Variants in BRSK2 observed in about 807,000 individuals in gnomAD.
BRSK2 encodes the protein serine/threonine-protein kinase BRSK2.
A neutral mutation model predicts 83.3 loss-of-function variants in BRSK2; 19 were observed. The ratio of observed to expected loss-of-function variants is 0.23; its 90% CI spans 0.16 to 0.33. The LOEUF (loss-of-function observed/expected upper bound fraction) is 0.33, where lower values mean the gene tolerates loss of function less well. BRSK2 is among the 10% of genes least tolerant of loss of function. The probability of loss-of-function intolerance (pLI) is 1.00; values close to 1 mark genes in which losing one functional copy is unlikely to be tolerated. For missense variants in BRSK2, 798 were observed against 1,042.3 expected, an observed-to-expected ratio of 0.77 and a Z score of 3.23; for synonymous variants, 519 against 435.4, an observed-to-expected ratio of 1.19 and a Z score of -2.39.
intron 1 of BRSK2, among the ~76,000 whole-genome samples, chr11:1,403,062 G>C (rs1181419136): frequency 6.6e-6 from 1 of 152,160 alleles, no homozygotes. Context: ...CACGGGGTAG[G>C]TGCCTGGCTG....
intron 1 of BRSK2, among the ~76,000 whole-genome samples, chr11:1,393,855 C>A (rs981134644): frequency 6.6e-6 from 1 of 152,024 alleles, no homozygotes; most frequent in African/African-American, 2.4e-5. Flanking sequence ...GTGCAGGTCC[C>A]TGGAGATGGG....
rs970704007 is a variant in BRSK2 at position 1,461,095 on chromosome 11, G to A, written c.*372G>A. 56 of 1,519,980 alleles carry A rather than the reference G, an allele frequency of 3.7e-5. No individual in the cohort carries two copies. The Admixed American group carries it at 4.4e-4, about 12-fold the overall frequency. 94.2% of individuals were successfully genotyped at this position (1,519,980 alleles called of 1,614,324 possible). A position where few individuals can be genotyped will look rare whatever the true frequency, so the allele number is the denominator to read the frequency against. On this transcript the variant is annotated 3_prime_UTR_variant, in exon 20 of 20. Coordinates refer to ENST00000528841, the MANE Select transcript of BRSK2 (RefSeq NM_001256627.2). ...GCCGGGCAGTGAGGCCCAGCCCAGC[G>A]CCCCGTCCACCCCGCGGCAGCTCCT... is the stretch of plus-strand genomic sequence containing the variant.
chr11:1,447,771 G>GT (rs1163019908), intron 12 of BRSK2: 1 of 1,591,058 alleles, frequency 6.3e-7, no homozygotes, highest in Admixed American at 1.7e-5. Context: ...GTCAGTAACT[G>GT]TGTTTTCTCG....
chr11:1,398,482 G>A (rs1846261908), intron 1 of BRSK2, among the ~76,000 whole-genome samples: 1 of 152,158 alleles, frequency 6.6e-6, no homozygotes, highest in Admixed American at 6.5e-5. Context: ...CTGCCCCCTG[G>A]GGATACAGGG....
In BRSK2 at chr11:1,442,628, AGAGAGGCTGGGG is replaced by A. The variant is rs771024745; in HGVS notation, c.530+25_530+36del. 5 of 1,577,636 alleles carry A rather than the reference AGAGAGGCTGGGG, an allele frequency of 3.2e-6. No individual in the cohort carries two copies. The East Asian group carries it at 1.1e-4, about 35-fold the overall frequency. The stretch of plus-strand genomic sequence containing the variant: ...GTGGGTACGTGGCCCTCTGCCCTGG[AGAGAGGCTGGGG>A]GACAGGCTGGGCTGGGGGAAGAGGA... On this transcript the variant is annotated intron_variant, in intron 5 of 19. Transcript: ENST00000528841.
rs1401256674 is a variant in BRSK2, at chr11:1,445,405, A to G, written c.924A>G (p.Ser308=). ...IDPDVLDSMH[S]LGCFRDRNKL... is the part of the protein sequence containing the mutation. ...CCGACGTGCTGGACAGCATGCACTC[A>G]CTGGGCTGCTTCCGAGACCGCAACA... The change falls in exon 10 of 20, where the codon TCA becomes TCG. Residue 308 remains serine (S), a synonymous_variant. Transcript: ENST00000528841. The G allele has an allele frequency of 3.7e-6, 6 of 1,612,032 alleles. No individual in the cohort carries two copies. The highest frequency in any genetic ancestry group is 1.6e-4 in the Middle Eastern group (1 of 6,062).
Position 1,445,170 on chromosome 11 carries a change from C to T in BRSK2, c.813-124C>T. ...GGTGCGGGCAGGACGCAGGAGGCCTCCCCGGGCTGGGCACAGGGAGAGTGG... is the reference window on the plus strand; with the variant it reads ...GGTGCGGGCAGGACGCAGGAGGCCTTCCCGGGCTGGGCACAGGGAGAGTGG... On this transcript the variant is annotated intron_variant, in intron 9 of 19. Transcript: ENST00000528841. The T allele has an allele frequency of 4.7e-6, 7 of 1,479,794 alleles. No homozygotes were observed. The Admixed American group carries it at 9.5e-5, about 20-fold the overall frequency. 91.7% of individuals were successfully genotyped at this position (1,479,794 alleles called of 1,614,324 possible). A position where few individuals can be genotyped will look rare whatever the true frequency, so the allele number is the denominator to read the frequency against.
intron 16 of BRSK2, among the ~76,000 whole-genome samples, chr11:1,455,508 C>T (rs1360248057): frequency 6.6e-6 from 1 of 152,202 alleles, no homozygotes; most frequent in East Asian, 1.9e-4. Context: ...CCACTGCTGC[C>T]CTGGCTGCAG....
chr11:1,460,738 C>CG lies in BRSK2; in HGVS notation c.*15_*16insG. On this transcript the variant is annotated 3_prime_UTR_variant, in exon 20 of 20. Transcript: ENST00000528841. ...AGCAGCCTTAGACACACTAGCCCCC[C>CG]CCCCCAGCACAGCACTGACAGCGGC... 1.4e-6 allele frequency: 2 copies of CG among 1,408,148 alleles called. No homozygotes were observed. The highest frequency in any genetic ancestry group is 1.5e-5 in the African/African-American group (1 of 66,862). The allele number at this position is 1,408,148 out of a possible 1,614,324, so 87.2% of individuals were successfully genotyped here.
chr11:1,459,298 G>A, intron 19 of BRSK2, 59 bp downstream of exon 19: 4 of 1,595,270 alleles, frequency 2.5e-6, no homozygotes, highest in Non-Finnish European at 3.4e-6. Flanking sequence ...CTCACCCTCA[G>A]CCCGCTGTGG....
At chr11:1,455,533 C>T (rs564376172) in intron 16 of BRSK2, among the ~76,000 whole-genome samples, 19 of 152,088 alleles carry the variant, frequency 1.2e-4, no homozygotes, top group Non-Finnish European at 2.2e-4. Context: ...GCTTCCCTTA[C>T]GCTGTGGGGA....
At chr11:1,411,528 C>A in intron 1 of BRSK2, 1 of 1,540,756 alleles carries the variant, frequency 6.5e-7, no homozygotes, top group South Asian at 1.2e-5. Flanking sequence ...AGGGGCCGCA[C>A]ATCACAGAGT....
intron 12 of BRSK2, 107 bp from the exon 13 acceptor site, chr11:1,449,669 C>T: frequency 3.2e-6 from 3 of 937,014 alleles, no homozygotes. Context: ...GGCTCTTGGC[C>T]CGGGCTCCAG....
chr11:1,443,695 TGTGCCTGTGTGTGCACAG>T, intron 8 of BRSK2, 60 bp downstream of exon 8: 1 of 1,465,868 alleles, frequency 6.8e-7, no homozygotes, highest in Non-Finnish European at 9.0e-7. Flanking sequence ...GGGGCGGGCG[TGTGCCTGTGTGTGCACAG>T]GTGTGTGCCC....
At chr11:1,433,841 C>A (rs1849912597) in intron 1 of BRSK2, among the ~76,000 whole-genome samples, 1 of 152,208 alleles carries the variant, frequency 6.6e-6, no homozygotes, top group Admixed American at 6.5e-5. Flanking sequence ...CACTGGGCTC[C>A]CCTCTGTGCC....
chr11:1,421,485 C>T (rs537726947), intron 1 of BRSK2, among the ~76,000 whole-genome samples: 3 of 152,288 alleles, frequency 2.0e-5, no homozygotes, highest in South Asian at 4.1e-4. Flanking sequence ...GCAGAGGCAG[C>T]GGAGCGGCTG....
chr11:1,451,714 T>A (rs947559200), intron 15 of BRSK2, among the ~76,000 whole-genome samples: 1 of 152,168 alleles, frequency 6.6e-6, no homozygotes, highest in South Asian at 2.1e-4. Context: ...CCCCAGGGCC[T>A]GAGCTCGCCA....
chr11:1,426,437 C>T (rs73409585), intron 1 of BRSK2, among the ~76,000 whole-genome samples: 22,856 of 152,088 alleles, frequency 0.15, 2,644 homozygotes, highest in East Asian at 0.33. Flanking sequence ...TTTCAGACTC[C>T]GCAGGAGACA....
chr11:1,444,863 C>T (rs563303698), intron 8 of BRSK2, 108 bp from the exon 9 acceptor site: 45 of 1,031,004 alleles, frequency 4.4e-5, no homozygotes, highest in African/African-American at 3.4e-4. Context: ...CCCTCACCCT[C>T]TCCTGCTCTC....
Sources: allele counts gnomAD v4.1 joint callset (sites outside exome capture counted in the v4.1 genomes callset), GRCh38; gene constraint gnomAD v4.1.1; transcripts MANE v1.5; gene names NCBI Gene and HGNC (gene_info 2026-07-23, HGNC 2026-07-21).